Variants in NDE1 observed in about 807,000 individuals in gnomAD.
NDE1 encodes nuclear distribution protein nudE homolog 1.
NDE1 carries 28 observed loss-of-function variants against 43.4 expected under a neutral mutation model. That is an observed-to-expected ratio of 0.65 (90% CI 0.48 to 0.89). NDE1 has a LOEUF of 0.89. Among genes scored for constraint, NDE1 ranks in the 40% least tolerant of loss-of-function variants. The pLI, the probability that NDE1 is intolerant of heterozygous loss-of-function variation, is 0.00. For missense variants in NDE1, 441 were observed against 434.1 expected (o/e 1.02, Z -0.14); for synonymous variants, 184 against 172.0 (o/e 1.07, Z -0.55).
intron 8 of NDE1, among the ~76,000 whole-genome samples, chr16:15,716,860 G>A (rs971221796): frequency 2.6e-5 from 4 of 152,162 alleles, no homozygotes; most frequent in Admixed American, 6.5e-5. Flanking sequence ...CAGAGGCTGG[G>A]AAAAGTCATA....
At chr16:15,658,059 A>T (rs2036857644) in intron 1 of NDE1, among the ~76,000 whole-genome samples, 1 of 152,210 alleles carries the variant, frequency 6.6e-6, no homozygotes. Flanking sequence ...CTAGGTGTTC[A>T]AATGATATTG....
intron 8 of NDE1, chr16:15,719,755 T>TC (rs2040367594): frequency 1.2e-6 from 2 of 1,613,114 alleles, no homozygotes; most frequent in East Asian, 2.2e-5. Flanking sequence ...ATGTCCTTAC[T>TC]CCCCCAAGTT....
chr16:15,654,263 T>C (rs996463585), intron 1 of NDE1, among the ~76,000 whole-genome samples: 1 of 152,034 alleles, frequency 6.6e-6, no homozygotes, highest in Non-Finnish European at 1.5e-5. Flanking sequence ...TTGTATATAC[T>C]GAGACCAGGC....
intron 1 of NDE1, among the ~76,000 whole-genome samples, chr16:15,655,180 G>T (rs758688497): frequency 6.6e-6 from 1 of 152,092 alleles, no homozygotes; most frequent in African/African-American, 2.4e-5. Context: ...ACCACACCTG[G>T]CTAATTTTTG....
chr16:15,703,588 GGGTGGT>G (rs1223573737), intron 8 of NDE1: 2 of 375,992 alleles, frequency 5.3e-6, no homozygotes, highest in Non-Finnish European at 1.0e-5. Context: ...GGGGTAGTAG[GGGTGGT>G]GGTGGTGGTG....
At chr16:15,656,035 C>G (rs1288748127) in intron 1 of NDE1, among the ~76,000 whole-genome samples, 2 of 149,316 alleles carry the variant, frequency 1.3e-5, no homozygotes, top group Non-Finnish European at 3.0e-5. Context: ...TGCTAGATGA[C>G]GAGTTAGTGG....
At chr16:15,718,136 A>C (rs1421623349) in intron 8 of NDE1, 1 of 955,800 alleles carries the variant, frequency 1.0e-6, no homozygotes, top group Admixed American at 2.1e-5. Flanking sequence ...TATTCTGAAG[A>C]CAGCAGCCTG....
At chr16:15,646,798 C>T (rs1435104881), upstream of NDE1, among the ~76,000 whole-genome samples, 1 of 151,666 alleles carries the variant, frequency 6.6e-6, no homozygotes, top group Non-Finnish European at 1.5e-5. Flanking sequence ...TGCCTGTAAT[C>T]CCAGCACTTT....
At position 15,694,266 on chromosome 16, in the gene NDE1, C is replaced by T. The variant is rs1400275709; in HGVS notation, c.795+10C>T. ...ACTGCGGAAAGTCGGGGTAAGACCA[C>T]ACTTTCCTGGCGTTTGGTGCCTTCC... On this transcript the variant is annotated intron_variant, in intron 7 of 8. Transcript: ENST00000396354. The T allele has an allele frequency of 1.2e-6, 2 of 1,612,506 alleles. No homozygotes were observed. The highest frequency in any genetic ancestry group is 1.7e-6 in the Non-Finnish European group (2 of 1,179,428).
chr16:15,677,781 G>GT lies in NDE1; in HGVS notation c.238-19dup. The GT allele has an allele frequency of 3.1e-6, 5 of 1,614,016 alleles. No individual in the cohort carries two copies. Among genetic ancestry groups the GT allele is most frequent in the Non-Finnish European group, 4.2e-6 (5 of 1,179,964 alleles). ...TCAGAAGTCTTAAGTCATTCACTCA[G>GT]TGTCTGTGTTGTCCTTCAGGAGAAG... On this transcript the variant is annotated intron_variant, in intron 3 of 8. Transcript: ENST00000396354.
chr16:15,676,100 C>T (rs1017269863), intron 3 of NDE1, among the ~76,000 whole-genome samples: 1 of 151,870 alleles, frequency 6.6e-6, no homozygotes, highest in Non-Finnish European at 1.5e-5. Flanking sequence ...GATCTCTCTC[C>T]CTTTCCTTCC....
intron 8 of NDE1, chr16:15,703,133 C>T (rs906935308): frequency 2.7e-5 from 5 of 183,390 alleles, no homozygotes; most frequent in Admixed American, 1.2e-4. Context: ...AAGCCAACGA[C>T]ATTGTGATTT....
rs2038593394 is a variant in NDE1 at position 15,688,997 on chromosome 16, C to T, written c.523+1486C>T. 2.6e-5 allele frequency among the ~76,000 whole-genome samples: 4 copies of T among 151,804 alleles called. No homozygotes were observed. In the South Asian group the frequency reaches 6.3e-4, roughly 24 times the overall value. On this transcript the variant is annotated intron_variant, in intron 5 of 8. Transcript: ENST00000396354. Reference sequence around the variant, plus strand: ...ATAGGGGTGGGTCACTGTTGCTGGCCCAATTAATTATTTATAACGTCGATT... The same window carrying T: ...ATAGGGGTGGGTCACTGTTGCTGGCTCAATTAATTATTTATAACGTCGATT...
At chr16:15,647,861 G>A (rs1022852816), upstream of NDE1, among the ~76,000 whole-genome samples, 12 of 151,612 alleles carry the variant, frequency 7.9e-5, no homozygotes, top group Admixed American at 5.3e-4. Context: ...TGAGATCCAC[G>A]TCTCTACAAA....
At chr16:15,667,903 C>T (rs974056281) in intron 3 of NDE1, among the ~76,000 whole-genome samples, 1 of 151,694 alleles carries the variant, frequency 6.6e-6, no homozygotes, top group Non-Finnish European at 1.5e-5. Flanking sequence ...AAGCAAGTCA[C>T]ACACATGTTC....
chr16:15,686,580 A>G, intron 4 of NDE1: 13 of 977,860 alleles, frequency 1.3e-5, no homozygotes, highest in Non-Finnish European at 1.6e-5. Context: ...CAGGAGGCTG[A>G]GGCGGGAGGA....
chr16:15,697,327 G>T (rs1029681163), intron 8 of NDE1, among the ~76,000 whole-genome samples: 1 of 152,144 alleles, frequency 6.6e-6, no homozygotes, highest in African/African-American at 2.4e-5. Flanking sequence ...ACAGGTGTGG[G>T]CTACCATGCC....
At chr16:15,678,096 G>A in intron 4 of NDE1, 147 bp downstream of exon 4, 1 of 1,028,034 alleles carries the variant, frequency 9.7e-7, no homozygotes, top group South Asian at 1.3e-5. Context: ...TAGTGCCCGG[G>A]GGGAAATGGA....
upstream of NDE1, among the ~76,000 whole-genome samples, chr16:15,647,542 C>T (rs796912995): frequency 5.9e-5 from 9 of 152,280 alleles, no homozygotes; most frequent in African/African-American, 2.2e-4. Flanking sequence ...ACTATAGCAT[C>T]TGAAGTGACC....
Sources: allele counts gnomAD v4.1 joint callset (sites outside exome capture counted in the v4.1 genomes callset), GRCh38; gene constraint gnomAD v4.1.1; transcripts MANE v1.5; gene names NCBI Gene and HGNC (gene_info 2026-07-23, HGNC 2026-07-21).